Variants in JAZF1 observed in about 807,000 individuals in gnomAD.
The protein encoded by JAZF1 is JAZF zinc finger 1.
A neutral mutation model predicts 26.4 loss-of-function variants in JAZF1; 8 were observed. The ratio of observed to expected loss-of-function variants is 0.30; its 90% CI spans 0.18 to 0.55. The LOEUF is 0.55. Ranked by LOEUF, JAZF1 falls within the 20% of genes least tolerant of loss-of-function variation. The pLI is 0.94. For synonymous variants in JAZF1, 126 were observed against 122.3 expected (o/e 1.03, Z -0.20); for missense variants, 199 against 322.0 (o/e 0.62, Z 2.92).
chr7:28,150,973 G>A (rs559785886), intron 1 of JAZF1, among the ~76,000 whole-genome samples: 2 of 152,216 alleles, frequency 1.3e-5, no homozygotes, highest in East Asian at 3.9e-4. Flanking sequence ...AAAGTTTTAA[G>A]TTATAAGGCA....
chr7:27,900,754 G>T (rs1256073187), intron 2 of JAZF1, among the ~76,000 whole-genome samples: 2 of 152,160 alleles, frequency 1.3e-5, no homozygotes, highest in Non-Finnish European at 2.9e-5. Flanking sequence ...AACATTTACA[G>T]AACATTTTTT....
At chr7:28,136,838 A>G (rs1318312905) in intron 1 of JAZF1, among the ~76,000 whole-genome samples, 1 of 152,184 alleles carries the variant, frequency 6.6e-6, no homozygotes, top group African/African-American at 2.4e-5. Flanking sequence ...ACTTCCAGGA[A>G]GGCTTCCTGA....
chr7:27,929,959 T>TCTCTCC (rs930029359), intron 2 of JAZF1, among the ~76,000 whole-genome samples: 4 of 146,336 alleles, frequency 2.7e-5, no homozygotes, highest in African/African-American at 1.0e-4. Context: ...TCTCTCTCTC[T>TCTCTCC]CCCCCTCTCT....
intron 1 of JAZF1, among the ~76,000 whole-genome samples, chr7:28,046,941 A>G (rs1207887560): frequency 6.6e-6 from 1 of 152,092 alleles, no homozygotes; most frequent in Non-Finnish European, 1.5e-5. Context: ...AATGTTGTTT[A>G]TGGTCTCTTT....
At chr7:27,862,724 C>T (rs971546054) in intron 3 of JAZF1, among the ~76,000 whole-genome samples, 9 of 152,302 alleles carry the variant, frequency 5.9e-5, no homozygotes, top group Non-Finnish European at 1.2e-4. Flanking sequence ...CCAGCTTCCA[C>T]GCTTCTGTTG....
At chr7:27,986,811 A>G (rs567070202) in intron 2 of JAZF1, among the ~76,000 whole-genome samples, 4 of 152,214 alleles carry the variant, frequency 2.6e-5, no homozygotes, top group African/African-American at 9.6e-5. Flanking sequence ...GCGCGCTGCC[A>G]TGCCTGACTG....
At chr7:27,892,086 G>C (rs1229454329) in intron 3 of JAZF1, among the ~76,000 whole-genome samples, 1 of 152,170 alleles carries the variant, frequency 6.6e-6, no homozygotes, top group African/African-American at 2.4e-5. Context: ...ACCTGGCAAT[G>C]AAAGTGACTG....
chr7:28,114,245 A>C (rs1215332600), intron 1 of JAZF1, among the ~76,000 whole-genome samples: 1 of 152,138 alleles, frequency 6.6e-6, no homozygotes, highest in Non-Finnish European at 1.5e-5. Flanking sequence ...CCTTCTGGCA[A>C]CCACCTGCTA....
chr7:28,126,093 A>G (rs111980141), intron 1 of JAZF1, among the ~76,000 whole-genome samples: 199 of 152,270 alleles, frequency 1.3e-3, no homozygotes, highest in Admixed American at 2.5e-3. Context: ...ATTCCAGTAA[A>G]TGGAGGCACC....
At chr7:27,982,187 T>C (rs1785597824) in intron 2 of JAZF1, among the ~76,000 whole-genome samples, 1 of 152,186 alleles carries the variant, frequency 6.6e-6, no homozygotes, top group African/African-American at 2.4e-5. Context: ...GGTAGGGGAA[T>C]TCCCTTTCCT....
chr7:28,167,967 G>A (rs140983754), intron 1 of JAZF1, among the ~76,000 whole-genome samples: 1 of 152,230 alleles, frequency 6.6e-6, no homozygotes, highest in East Asian at 1.9e-4. Flanking sequence ...CCATTCATAC[G>A]TGCTTCATTA....
intron 1 of JAZF1, among the ~76,000 whole-genome samples, chr7:28,090,782 AT>A (rs202149302): frequency 1.2e-5 from 1 of 84,688 alleles, no homozygotes; most frequent in Admixed American, 1.1e-4. Context: ...TCAAGCTCTT[AT>A]TTTTTTTTCT....
intron 2 of JAZF1, among the ~76,000 whole-genome samples, chr7:27,907,973 C>T (rs10250533): frequency 0.24 from 37,089 of 152,102 alleles, 5,003 homozygotes; most frequent in Non-Finnish European, 0.3. Flanking sequence ...TGGACTTACA[C>T]ATTTTCTTCT....
At chr7:27,989,039 T>C (rs1785834049) in intron 2 of JAZF1, among the ~76,000 whole-genome samples, 1 of 149,614 alleles carries the variant, frequency 6.7e-6, no homozygotes, top group African/African-American at 2.5e-5. Context: ...CTTCAAACTA[T>C]ACTACAAGGC....
chr7:27,898,633 A>G (rs1784112470), intron 2 of JAZF1, among the ~76,000 whole-genome samples: 2 of 152,042 alleles, frequency 1.3e-5, no homozygotes, highest in African/African-American at 4.8e-5. Flanking sequence ...ATATAACACA[A>G]CAACTATAAA....
At chr7:28,020,799 TAGG>T (rs1355861681) in intron 1 of JAZF1, 2 of 418,994 alleles carry the variant, frequency 4.8e-6, no homozygotes, top group African/African-American at 2.1e-5. Context: ...AAGGCTTCTT[TAGG>T]AGAATTACCA....
intron 2 of JAZF1, among the ~76,000 whole-genome samples, chr7:27,938,030 G>A (rs2128351562): frequency 6.6e-6 from 1 of 152,262 alleles, no homozygotes; most frequent in East Asian, 1.9e-4. Flanking sequence ...TTTTAAACAG[G>A]ATGGATACAC....
At position 28,036,511 on chromosome 7, in the gene JAZF1, C is replaced by T. The variant is rs577774084; in HGVS notation, c.116-44530G>A. On this transcript the variant is annotated intron_variant, in intron 1 of 4. Coordinates refer to ENST00000283928, the MANE Select transcript of JAZF1 (RefSeq NM_175061.4). ...GATGCAAATAGAAGTGGTAGAGTAA[C>T]GCAACCTCACTCTGCAGGCAGCTTT... Among the ~76,000 whole-genome samples, 30 of 152,254 alleles carry T rather than the reference C, an allele frequency of 2.0e-4. No homozygotes were observed. The South Asian group carries it at 5.0e-3, about 25-fold the overall frequency.
At chr7:28,099,543 C>G (rs905435343) in intron 1 of JAZF1, among the ~76,000 whole-genome samples, 2 of 152,118 alleles carry the variant, frequency 1.3e-5, no homozygotes, top group Non-Finnish European at 2.9e-5. Flanking sequence ...ATGGAGCGAT[C>G]TCGACTCACC....
Sources: gnomAD v4.1 joint callset for allele counts (sites outside exome capture counted in the v4.1 genomes callset) on GRCh38, gnomAD v4.1.1 for gene constraint, MANE v1.5 for transcripts, NCBI Gene and HGNC (gene_info 2026-07-23, HGNC 2026-07-21) for gene names.